NUP93: variants seen among roughly 807,000 people sequenced by gnomAD.
NUP93 encodes the protein nucleoporin 93.
NUP93 carries 55 observed loss-of-function variants against 107.8 expected under a neutral mutation model. The observed-to-expected ratio is 0.51, with a 90% CI of 0.41 to 0.64. NUP93 has a LOEUF of 0.64. Ranked by LOEUF, NUP93 falls within the 30% of genes least tolerant of loss-of-function variation. NUP93 has a pLI of 0.00. For synonymous variants in NUP93, 390 were observed against 397.5 expected, an observed-to-expected ratio of 0.98 and a Z score of 0.22; for missense variants, 937 against 1,044.7, an observed-to-expected ratio of 0.90 and a Z score of 1.42.
chr16:56,804,838 G>A (rs987914159), intron 4 of NUP93, among the ~76,000 whole-genome samples: 1 of 151,630 alleles, frequency 6.6e-6, no homozygotes, highest in African/African-American at 2.4e-5. Context: ...CCGTGGAGGC[G>A]GAGGTTGCAG....
At chr16:56,769,750 A>G (rs879854350) in intron 3 of NUP93, among the ~76,000 whole-genome samples, 3 of 152,214 alleles carry the variant, frequency 2.0e-5, no homozygotes, top group African/African-American at 4.8e-5. Context: ...GCATGATGCT[A>G]GAAGCAATTT....
At chr16:56,808,669 AAT>A (rs1336649429) in intron 5 of NUP93, among the ~76,000 whole-genome samples, 4 of 134,766 alleles carry the variant, frequency 3.0e-5, no homozygotes, top group Admixed American at 7.7e-5. Context: ...TATATTTATA[AAT>A]ATATAAAATA....
chr16:56,817,717 T>G (rs953417099), intron 5 of NUP93, among the ~76,000 whole-genome samples: 1 of 152,228 alleles, frequency 6.6e-6, no homozygotes. Flanking sequence ...TTCATAAGAT[T>G]ATACCGTATT....
At chr16:56,740,293 C>G (rs1341887836) in intron 1 of NUP93, among the ~76,000 whole-genome samples, 1 of 148,154 alleles carries the variant, frequency 6.7e-6, no homozygotes. Context: ...GGCAGAGGGT[C>G]TCCTCACTTC....
intron 3 of NUP93, among the ~76,000 whole-genome samples, chr16:56,782,981 G>T (rs1962546363): frequency 1.3e-5 from 2 of 152,236 alleles, no homozygotes; most frequent in South Asian, 4.1e-4. Context: ...TTGTGTAAGT[G>T]AAATGAAAAC....
intron 2 of NUP93, among the ~76,000 whole-genome samples, chr16:56,754,719 G>A (rs1461350430): frequency 6.6e-6 from 1 of 152,160 alleles, no homozygotes; most frequent in Non-Finnish European, 1.5e-5. Context: ...GGAGGATGGT[G>A]GCTTTTTTCT....
chr16:56,804,490 G>T (rs1422585403), intron 4 of NUP93, among the ~76,000 whole-genome samples: 1 of 152,158 alleles, frequency 6.6e-6, no homozygotes, highest in Non-Finnish European at 1.5e-5. Context: ...ATTTATGTGA[G>T]GTACCTAGAG....
intron 3 of NUP93, chr16:56,782,127 G>A: frequency 2.0e-6 from 2 of 985,360 alleles, no homozygotes; most frequent in Non-Finnish European, 2.4e-6. Flanking sequence ...GGTTCCGACA[G>A]AGCTCATCTC....
At chr16:56,744,459 CA>C (rs1379753083) in intron 1 of NUP93, among the ~76,000 whole-genome samples, 1 of 152,076 alleles carries the variant, frequency 6.6e-6, no homozygotes, top group Non-Finnish European at 1.5e-5. Context: ...TTTAATTGCA[CA>C]ATGATGGTAA....
intron 3 of NUP93, among the ~76,000 whole-genome samples, chr16:56,769,194 G>C (rs1171607792): frequency 2.0e-5 from 3 of 152,194 alleles, no homozygotes; most frequent in Non-Finnish European, 4.4e-5. Flanking sequence ...TTTTCAGGAT[G>C]TATTAGAAGG....
rs377653912 is a variant in NUP93 at position 56,772,010 on chromosome 16, T to C, written c.297+13355T>C. 3.9e-5 allele frequency among the ~76,000 whole-genome samples: 6 copies of C among 152,272 alleles called. No individual in the cohort carries two copies. The East Asian group carries it at 7.7e-4, about 20-fold the overall frequency. ...ACCTTCTCTGTTCCCTTCCCTTTCA[T>C]TCTTTTTCTTTTTCTTTTTTGGTCT... On this transcript the variant is annotated intron_variant, in intron 3 of 21. Coordinates refer to ENST00000308159, the MANE Select transcript of NUP93 (RefSeq NM_014669.5).
At position 56,834,267 on chromosome 16, in the gene NUP93, T is replaced by C; in HGVS notation, c.1664+13T>C. 1.2e-6 allele frequency: 2 copies of C among 1,613,860 alleles called. No individual in the cohort carries two copies. The highest frequency in any genetic ancestry group is 1.7e-6 in the Non-Finnish European group (2 of 1,179,712). On this transcript the variant is annotated intron_variant, in intron 14 of 21. Transcript: ENST00000308159. ...TCTATTTCCTCAGGTAACATTTGCTTTTGACCATTTACTTCAGCTAGTTTC... is the reference window on the plus strand; with the variant it reads ...TCTATTTCCTCAGGTAACATTTGCTCTTGACCATTTACTTCAGCTAGTTTC...
intron 2 of NUP93, among the ~76,000 whole-genome samples, chr16:56,752,715 A>C (rs764549119): frequency 2.0e-5 from 3 of 152,244 alleles, no homozygotes; most frequent in Non-Finnish European, 4.4e-5. Flanking sequence ...TAAAAAGCAG[A>C]AGAAAGTTGG....
At chr16:56,742,734 C>T (rs1961759361) in intron 1 of NUP93, among the ~76,000 whole-genome samples, 1 of 152,134 alleles carries the variant, frequency 6.6e-6, no homozygotes, top group Non-Finnish European at 1.5e-5. Context: ...TTTTCCTTTT[C>T]CCTTTGTAGC....
chr16:56,764,261 C>T (rs1424069160), intron 3 of NUP93, among the ~76,000 whole-genome samples: 1 of 152,106 alleles, frequency 6.6e-6, no homozygotes, highest in African/African-American at 2.4e-5. Context: ...GAGGCCGAGG[C>T]GGGCAGATCA....
chr16:56,804,315 A>G (rs530233244), intron 4 of NUP93, among the ~76,000 whole-genome samples: 1 of 152,350 alleles, frequency 6.6e-6, no homozygotes, highest in South Asian at 2.1e-4. Flanking sequence ...CCAGGTGTCC[A>G]TCAGTGAATG....
intron 2 of NUP93, among the ~76,000 whole-genome samples, chr16:56,749,033 A>G (rs1438813398): frequency 6.6e-6 from 1 of 152,122 alleles, no homozygotes; most frequent in Non-Finnish European, 1.5e-5. Context: ...GTGCTGACTG[A>G]CTGAGCTGGC....
chr16:56,786,452 C>G (rs1962629775), intron 3 of NUP93, among the ~76,000 whole-genome samples: 7 of 152,210 alleles, frequency 4.6e-5, no homozygotes, highest in Admixed American at 4.6e-4. Flanking sequence ...TCTCTGCCAG[C>G]TTGCTGGTGA....
intron 4 of NUP93, among the ~76,000 whole-genome samples, chr16:56,804,468 C>G (rs1596817809): frequency 6.6e-6 from 1 of 152,278 alleles, no homozygotes; most frequent in Middle Eastern, 3.4e-3. Flanking sequence ...AAGACAAATA[C>G]TGTATGATTC....
Sources: gnomAD v4.1 joint callset for allele counts (sites outside exome capture counted in the v4.1 genomes callset) on GRCh38, gnomAD v4.1.1 for gene constraint, MANE v1.5 for transcripts, NCBI Gene and HGNC (gene_info 2026-07-23, HGNC 2026-07-21) for gene names.